Variants in ARHGAP15 observed in about 807,000 individuals in gnomAD.
ARHGAP15 encodes the protein Rho GTPase activating protein 15, also known as rho GTPase-activating protein 15.
ARHGAP15 carries 51 observed loss-of-function variants against 63.7 expected under a neutral mutation model. The ratio of observed to expected loss-of-function variants is 0.80; its 90% CI spans 0.64 to 1.01. The LOEUF (loss-of-function observed/expected upper bound fraction) is 1.01, where lower values mean the gene tolerates loss of function less well. Ranked by LOEUF, ARHGAP15 falls within the 50% of genes least tolerant of loss-of-function variation. The pLI is 0.00. For synonymous variants in ARHGAP15, 191 were observed against 193.8 expected (o/e 0.99, Z 0.12); for missense variants, 560 against 564.6 (o/e 0.99, Z 0.08).
intron 6 of ARHGAP15, among the ~76,000 whole-genome samples, chr2:143,313,177 C>T (rs1683528108): frequency 6.6e-6 from 1 of 151,962 alleles, no homozygotes; most frequent in African/African-American, 2.4e-5. Flanking sequence ...AAAAACTTAG[C>T]TTGGGTAGCA....
At chr2:143,560,611 C>T (rs1276142314) in intron 11 of ARHGAP15, among the ~76,000 whole-genome samples, 5 of 152,322 alleles carry the variant, frequency 3.3e-5, no homozygotes, top group South Asian at 4.1e-4. Flanking sequence ...GCTACACACG[C>T]TCATTCATGA....
chr2:143,627,685 C>T (rs1236505581), intron 12 of ARHGAP15, among the ~76,000 whole-genome samples: 1 of 152,086 alleles, frequency 6.6e-6, no homozygotes, highest in Admixed American at 6.6e-5. Context: ...AAAGTAAATT[C>T]ACAGGACAGG....
chr2:143,138,383 G>GAT (rs1247151697), intron 1 of ARHGAP15, among the ~76,000 whole-genome samples: 1 of 152,010 alleles, frequency 6.6e-6, no homozygotes, highest in East Asian at 1.9e-4. Flanking sequence ...TATGCCATGC[G>GAT]ATAATTTTGA....
chr2:143,549,076 A>T (rs1394786599), intron 10 of ARHGAP15, among the ~76,000 whole-genome samples: 1 of 152,202 alleles, frequency 6.6e-6, no homozygotes, highest in Non-Finnish European at 1.5e-5. Flanking sequence ...GAATCACGTA[A>T]CAACTGTTTT....
intron 12 of ARHGAP15, among the ~76,000 whole-genome samples, chr2:143,664,115 T>C (rs1356738841): frequency 6.6e-6 from 1 of 152,246 alleles, no homozygotes; most frequent in Non-Finnish European, 1.5e-5. Context: ...ATACATTTTT[T>C]TCAGCACCAC....
intron 2 of ARHGAP15, among the ~76,000 whole-genome samples, chr2:143,180,168 C>A (rs1201516599): frequency 6.6e-6 from 1 of 152,138 alleles, no homozygotes; most frequent in African/African-American, 2.4e-5. Context: ...AGCATTTTAC[C>A]TACAGTAGAA....
At chr2:143,327,674 T>C (rs1439623435) in intron 6 of ARHGAP15, among the ~76,000 whole-genome samples, 1 of 152,086 alleles carries the variant, frequency 6.6e-6, no homozygotes, top group Non-Finnish European at 1.5e-5. Context: ...ACCTAGGCAA[T>C]ACCATGCAGG....
At chr2:143,733,920 T>C (rs1347184324) in intron 13 of ARHGAP15, among the ~76,000 whole-genome samples, 1 of 152,236 alleles carries the variant, frequency 6.6e-6, no homozygotes, top group East Asian at 1.9e-4. Flanking sequence ...TTAAGAAATT[T>C]CTTATCTACA....
chr2:143,525,194 C>A (rs1198648733), intron 10 of ARHGAP15, among the ~76,000 whole-genome samples: 1 of 152,090 alleles, frequency 6.6e-6, no homozygotes, highest in Non-Finnish European at 1.5e-5. Flanking sequence ...GCTGATACTT[C>A]CATGAAGAAT....
At chr2:143,713,811 A>G (rs191765060) in intron 13 of ARHGAP15, among the ~76,000 whole-genome samples, 1 of 152,342 alleles carries the variant, frequency 6.6e-6, no homozygotes, top group Admixed American at 6.5e-5. Flanking sequence ...CAGGTCTCAC[A>G]TTCAGGTCAT....
intron 11 of ARHGAP15, among the ~76,000 whole-genome samples, chr2:143,569,520 A>C (rs1696370859): frequency 6.6e-6 from 1 of 152,090 alleles, no homozygotes; most frequent in Non-Finnish European, 1.5e-5. Context: ...GGGGGAGTGC[A>C]AAGCAGGGAA....
At chr2:143,460,051 G>T in intron 8 of ARHGAP15, among the ~76,000 whole-genome samples, 1 of 152,094 alleles carries the variant, frequency 6.6e-6, no homozygotes, top group Non-Finnish European at 1.5e-5. Context: ...GGATGTAAAA[G>T]AAAAATAGCA....
At chr2:143,162,525 C>A (rs1162586993) in intron 2 of ARHGAP15, 1 of 151,952 alleles carries the variant, frequency 6.6e-6, no homozygotes, top group Non-Finnish European at 1.5e-5. Flanking sequence ...AGCCAGAGGT[C>A]TCATTTTTAC....
intron 6 of ARHGAP15, among the ~76,000 whole-genome samples, chr2:143,268,603 C>T (rs1333898058): frequency 6.6e-6 from 1 of 151,920 alleles, no homozygotes; most frequent in African/African-American, 2.4e-5. Context: ...AAAAATTACA[C>T]GTTAGAGTTT....
At chr2:143,353,007 T>A (rs1009902021) in intron 6 of ARHGAP15, among the ~76,000 whole-genome samples, 6 of 152,228 alleles carry the variant, frequency 3.9e-5, no homozygotes, top group Admixed American at 3.9e-4. Flanking sequence ...TTTCTCCTAC[T>A]GTTGAAATGA....
chr2:143,524,208 G>A (rs1694170679), intron 10 of ARHGAP15, among the ~76,000 whole-genome samples: 2 of 49,840 alleles, frequency 4.0e-5, no homozygotes, highest in African/African-American at 1.6e-4. Flanking sequence ...CTTAGCAGCT[G>A]TTATATTTTT....
intron 9 of ARHGAP15, among the ~76,000 whole-genome samples, chr2:143,493,169 A>C (rs1692664441): frequency 6.6e-6 from 1 of 152,212 alleles, no homozygotes; most frequent in Non-Finnish European, 1.5e-5. Context: ...CTGTACTTAT[A>C]ATATCACAAC....
chr2:143,347,327 G>C (rs1426939427), intron 6 of ARHGAP15, among the ~76,000 whole-genome samples: 1 of 152,124 alleles, frequency 6.6e-6, no homozygotes, highest in Non-Finnish European at 1.5e-5. Context: ...AACGTGATTC[G>C]TCGCTAAATG....
chr2:143,495,751 T>C (rs1379228936), intron 9 of ARHGAP15, among the ~76,000 whole-genome samples: 1 of 152,210 alleles, frequency 6.6e-6, no homozygotes, highest in Non-Finnish European at 1.5e-5. Context: ...TTAGAACTGA[T>C]ATATGACAGA....
Sources: gnomAD v4.1 joint callset for allele counts (sites outside exome capture counted in the v4.1 genomes callset) on GRCh38, gnomAD v4.1.1 for gene constraint, MANE v1.5 for transcripts, NCBI Gene and HGNC (gene_info 2026-07-23, HGNC 2026-07-21) for gene names.